Variants in CCDC73 observed in about 807,000 individuals in gnomAD.
CCDC73 encodes the protein coiled-coil domain-containing protein 73.
Under a neutral mutation model 116.5 loss-of-function variants are expected in CCDC73, and 95 were observed. The observed-to-expected ratio is 0.82, with a 90% CI of 0.69 to 0.97. CCDC73 has a LOEUF of 0.97. CCDC73 is among the 50% of genes least tolerant of loss of function. The pLI, the probability that CCDC73 is intolerant of heterozygous loss-of-function variation, is 0.00. For synonymous variants in CCDC73, 398 were observed against 401.3 expected, an observed-to-expected ratio of 0.99 and a Z score of 0.10; for missense variants, 1,066 against 1,206.8, an observed-to-expected ratio of 0.88 and a Z score of 1.73.
chr11:32,815,338 CTT>C, the CCDC73 span, among the ~76,000 whole-genome samples: 17 of 140,662 alleles, frequency 1.2e-4, no homozygotes, highest in Admixed American at 2.1e-4. Context: ...ATTATTTTTG[CTT>C]TTTTTTTTTT....
the CCDC73 span, among the ~76,000 whole-genome samples, chr11:32,800,437 GTTATTC>G: frequency 2.1e-4 from 32 of 152,116 alleles, no homozygotes; most frequent in Admixed American, 7.9e-4. Context: ...ATTTTTAAAA[GTTATTC>G]TTATTATAAA....
the CCDC73 span, among the ~76,000 whole-genome samples, chr11:32,818,312 G>C: frequency 5.9e-5 from 9 of 152,146 alleles, no homozygotes; most frequent in African/African-American, 2.2e-4. Context: ...TCAAATCCTG[G>C]CTCTGTCCTA....
chr11:32,797,194 C>T (rs1850733749), upstream of CCDC73, among the ~76,000 whole-genome samples: 1 of 152,074 alleles, frequency 6.6e-6, no homozygotes, highest in African/African-American at 2.4e-5. Flanking sequence ...CATCTATAGT[C>T]CCAGTTGCTT....
rs115785991 is a variant in CCDC73 at position 32,610,389 on chromosome 11, C to G, written c.3030+743G>C. 7.1e-3 allele frequency among the ~76,000 whole-genome samples: 1,086 copies of G among 152,242 alleles called. 17 individuals are homozygous for G. Among genetic ancestry groups the G allele is most frequent in the African/African-American group, 0.025 (1,047 of 41,532 alleles). ...AGTTATACTATCTCACTTGAGGTTT[C>G]TCCTATTTAGAAAGGAAAATAAAAT... On this transcript the variant is annotated intron_variant, in intron 17 of 17. Transcript: ENST00000335185.
intron 17 of CCDC73, among the ~76,000 whole-genome samples, chr11:32,607,091 T>A (rs924561882): frequency 1.8e-5 from 2 of 111,876 alleles, no homozygotes; most frequent in Non-Finnish European, 3.7e-5. Flanking sequence ...TTTTTTTTTT[T>A]TTTTTTTTTT....
the CCDC73 span, among the ~76,000 whole-genome samples, chr11:32,803,662 T>C: frequency 6.6e-6 from 1 of 152,232 alleles, no homozygotes; most frequent in African/African-American, 2.4e-5. Flanking sequence ...TCCTAGATAG[T>C]ATAATGTGAC....
At chr11:32,678,441 A>G (rs10742285) in intron 7 of CCDC73, among the ~76,000 whole-genome samples, 114,638 of 152,058 alleles carry the variant, frequency 0.75, 43,358 homozygotes, top group East Asian at 0.93. Context: ...TTCACTCATA[A>G]GGTTGCTGTG....
intron 1 of CCDC73, among the ~76,000 whole-genome samples, chr11:32,765,966 C>T (rs198268): frequency 0.014 from 2,157 of 152,300 alleles, 47 homozygotes; most frequent in African/African-American, 0.05. Context: ...ATGAGGCCAG[C>T]ATCATCCTGA....
chr11:32,731,383 T>C (rs1439192004), intron 2 of CCDC73, among the ~76,000 whole-genome samples: 1 of 152,180 alleles, frequency 6.6e-6, no homozygotes, highest in Non-Finnish European at 1.5e-5. Context: ...CAGAAACCTC[T>C]GCAGAATTAA....
At position 32,657,976 on chromosome 11, in the gene CCDC73, G is replaced by A. The variant is rs1455277253; in HGVS notation, c.646-3004C>T. Among the ~76,000 whole-genome samples, 11 of 75,358 alleles carry A rather than the reference G, an allele frequency of 1.5e-4. No individual in the cohort carries two copies. The South Asian group carries it at 3.0e-3, about 21-fold the overall frequency. 49.4% of individuals were successfully genotyped at this position (75,358 alleles called of 152,430 possible). On this transcript the variant is annotated intron_variant, in intron 9 of 17. Coordinates refer to ENST00000335185, the MANE Select transcript of CCDC73 (RefSeq NM_001008391.4). ...AATTGCGCCACAGTGACCCCCCACC[G>A]CCCCCATCTCTTAAAAATAAAAACC...
intron 13 of CCDC73, among the ~76,000 whole-genome samples, chr11:32,638,928 G>C (rs1855705792): frequency 6.6e-6 from 1 of 151,768 alleles, no homozygotes; most frequent in African/African-American, 2.4e-5. Flanking sequence ...CAGGTGGGTT[G>C]CCTGAGCTCA....
intron 2 of CCDC73, chr11:32,758,709 AT>A (rs1850365011): frequency 4.2e-6 from 1 of 237,526 alleles, no homozygotes; most frequent in East Asian, 9.2e-5. Flanking sequence ...AAGGAAGCAT[AT>A]TTTTTAAGTT....
intron 2 of CCDC73, among the ~76,000 whole-genome samples, chr11:32,746,744 A>C (rs1850242631): frequency 1.3e-5 from 2 of 152,074 alleles, no homozygotes; most frequent in Admixed American, 1.3e-4. Flanking sequence ...TGTATGCTTC[A>C]CGAAGTTCTC....
At chr11:32,707,432 T>G (rs988905196) in intron 3 of CCDC73, among the ~76,000 whole-genome samples, 1 of 152,166 alleles carries the variant, frequency 6.6e-6, no homozygotes, top group South Asian at 2.1e-4. Flanking sequence ...CTTTCTATAC[T>G]GTCCCTTTAG....
At chr11:32,774,479 A>T (rs185114633) in intron 1 of CCDC73, among the ~76,000 whole-genome samples, 1 of 152,158 alleles carries the variant, frequency 6.6e-6, no homozygotes, top group African/African-American at 2.4e-5. Context: ...TTAAAGTTCT[A>T]AAAAGGATTT....
intron 3 of CCDC73, among the ~76,000 whole-genome samples, chr11:32,709,194 A>T (rs1004018095): frequency 4.6e-5 from 7 of 152,278 alleles, no homozygotes; most frequent in Middle Eastern, 6.8e-3. Flanking sequence ...TGTTTACATG[A>T]TATATGACAT....
chr11:32,799,929 G>A, the CCDC73 span, among the ~76,000 whole-genome samples: 1 of 152,188 alleles, frequency 6.6e-6, no homozygotes, highest in African/African-American at 2.4e-5. Context: ...CTTGTGGGCA[G>A]AGAATGTATC....
At chr11:32,822,498 T>C in the CCDC73 span, among the ~76,000 whole-genome samples, 1 of 152,170 alleles carries the variant, frequency 6.6e-6, no homozygotes, top group East Asian at 1.9e-4. Context: ...CTGGAATAGT[T>C]TGACCAAAAA....
chr11:32,800,402 C>A, the CCDC73 span, among the ~76,000 whole-genome samples: 1 of 152,032 alleles, frequency 6.6e-6, no homozygotes, highest in Non-Finnish European at 1.5e-5. Context: ...TCAGCCTGGG[C>A]AACACAGTGA....
Sources: gnomAD v4.1 joint callset for allele counts (sites outside exome capture counted in the v4.1 genomes callset) on GRCh38, gnomAD v4.1.1 for gene constraint, MANE v1.5 for transcripts, NCBI Gene and HGNC (gene_info 2026-07-23, HGNC 2026-07-21) for gene names.